SLC38A1: variants seen among roughly 807,000 people sequenced by gnomAD.
The protein encoded by SLC38A1 is sodium-coupled neutral amino acid symporter 1.
SLC38A1 carries 18 observed loss-of-function variants against 60.3 expected under a neutral mutation model. The ratio of observed to expected loss-of-function variants is 0.30; its 90% CI spans 0.21 to 0.44. The LOEUF (loss-of-function observed/expected upper bound fraction) is 0.44, where lower values mean the gene tolerates loss of function less well. Ranked by LOEUF, SLC38A1 falls within the 20% of genes least tolerant of loss-of-function variation. The pLI is 1.00. For missense variants in SLC38A1, 448 were observed against 587.2 expected (o/e 0.76, Z 2.45); for synonymous variants, 196 against 212.1 (o/e 0.92, Z 0.66).
At position 46,204,599 on chromosome 12, in the gene SLC38A1, A is replaced by T; in HGVS notation, c.647-9T>A. On this transcript the variant is annotated splice_polypyrimidine_tract_variant and intron_variant, in intron 9 of 16. Coordinates refer to ENST00000398637, the MANE Select transcript of SLC38A1 (RefSeq NM_030674.4). ...AGTATAGCCAAGATACCCTTTAAAAAAAAGTAAAAAATAAATTATTTCATT... is the reference window on the plus strand; with the variant it reads ...AGTATAGCCAAGATACCCTTTAAAATAAAGTAAAAAATAAATTATTTCATT... The T allele has an allele frequency of 6.3e-7, 1 of 1,579,116 alleles. No individual in the cohort carries two copies. The highest frequency in any genetic ancestry group is 8.6e-7 in the Non-Finnish European group (1 of 1,166,284).
chr12:46,222,928 A>G (rs1592109497), intron 5 of SLC38A1, among the ~76,000 whole-genome samples: 1 of 152,306 alleles, frequency 6.6e-6, no homozygotes, highest in East Asian at 1.9e-4. Flanking sequence ...TTTTCATGAC[A>G]GTAAAGGGGA....
intron 5 of SLC38A1, among the ~76,000 whole-genome samples, chr12:46,219,343 G>A (rs1030342388): frequency 6.6e-6 from 1 of 152,100 alleles, no homozygotes; most frequent in Non-Finnish European, 1.5e-5. Flanking sequence ...ATAAAATGGG[G>A]GTAATTAACA....
chr12:46,249,012 C>A (rs1941729755), intron 1 of SLC38A1, among the ~76,000 whole-genome samples: 1 of 151,856 alleles, frequency 6.6e-6, no homozygotes, highest in Non-Finnish European at 1.5e-5. Context: ...AAAAATTAAC[C>A]AGGTGCGGTG....
intron 1 of SLC38A1, among the ~76,000 whole-genome samples, chr12:46,249,217 A>T (rs1440054307): frequency 6.6e-6 from 1 of 152,064 alleles, no homozygotes; most frequent in Non-Finnish European, 1.5e-5. Context: ...AAACTGAGCA[A>T]CCTGCTCCTG....
At chr12:46,194,123 A>G (rs4768690) in intron 16 of SLC38A1, among the ~76,000 whole-genome samples, 81,733 of 151,988 alleles carry the variant, frequency 0.54, 23,549 homozygotes, top group African/African-American at 0.76. Context: ...TTGTAAGGCG[A>G]GCCTGGTGGT....
In SLC38A1 at chr12:46,207,228, T is replaced by A. The variant is rs771656008; in HGVS notation, c.490A>T (p.Ser164Cys). The A allele has an allele frequency of 4.3e-6, 7 of 1,611,960 alleles. No homozygotes were observed. The South Asian group carries it at 6.6e-5, about 15-fold the overall frequency. ...TSLQNTGAMLSYLFIVKNELP... is the reference protein window; with the variant it reads ...TSLQNTGAMLCYLFIVKNELP... ...TCATTTTTTACGATGAAGAGGTAGC[T>A]CAGCATTGCTGAAGGAAAATGAGAA... The change falls in exon 8 of 17, where the codon AGC (serine) becomes TGC (cysteine). Residue 164 changes from serine (S) to cysteine (C), a missense_variant. By Grantham distance (112) the Ser-to-Cys change is moderately radical (BLOSUM62 -1). Coordinates refer to ENST00000398637, the MANE Select transcript of SLC38A1 (RefSeq NM_030674.4).
At chr12:46,245,910 A>G (rs1941599035) in intron 1 of SLC38A1, among the ~76,000 whole-genome samples, 1 of 151,340 alleles carries the variant, frequency 6.6e-6, no homozygotes, top group Admixed American at 6.6e-5. Flanking sequence ...CTCTTTTTTA[A>G]TTTAGCATTG....
At chr12:46,244,441 A>G (rs893723478) in intron 1 of SLC38A1, among the ~76,000 whole-genome samples, 7 of 152,022 alleles carry the variant, frequency 4.6e-5, no homozygotes, top group Admixed American at 3.3e-4. Context: ...CATTTCCCAC[A>G]CTCCCTTGCA....
chr12:46,262,972 C>A (rs1268284821), intron 1 of SLC38A1, among the ~76,000 whole-genome samples: 4 of 152,152 alleles, frequency 2.6e-5, no homozygotes, highest in African/African-American at 9.7e-5. Context: ...TGATTCTATA[C>A]ACTATTTCTT....
At position 46,209,133 on chromosome 12, in the gene SLC38A1, G is replaced by A; in HGVS notation, c.315-6C>T. 6.4e-7 allele frequency: 1 copy of A among 1,572,476 alleles called. No homozygotes were observed. The highest frequency in any genetic ancestry group is 8.7e-7 in the Non-Finnish European group (1 of 1,144,170). On this transcript the variant is annotated splice_polypyrimidine_tract_variant and splice_region_variant and intron_variant, in intron 5 of 16. Transcript: ENST00000398637. ...TCACTGAAGTCAAAAGTACCCTAAAGCAAAGAAAATAAATCTTATTGTAAT... is the reference window on the plus strand; with the variant it reads ...TCACTGAAGTCAAAAGTACCCTAAAACAAAGAAAATAAATCTTATTGTAAT...
At chr12:46,198,867 T>C in intron 13 of SLC38A1, 124 bp from the exon 14 acceptor site, 1 of 651,092 alleles carries the variant, frequency 1.5e-6, no homozygotes, top group Non-Finnish European at 2.7e-6. Flanking sequence ...TCGAAATGTC[T>C]ATTAAAACAA....
At chr12:46,252,051 T>C (rs1230115355) in intron 1 of SLC38A1, among the ~76,000 whole-genome samples, 2 of 152,148 alleles carry the variant, frequency 1.3e-5, no homozygotes, top group East Asian at 3.9e-4. Flanking sequence ...ATGTTTATTG[T>C]GGCACTATTC....
Position 46,237,409 on chromosome 12 carries a change from ATGT to A in SLC38A1, c.122+2267_122+2269del, listed in dbSNP as rs1261809905. Among the ~76,000 whole-genome samples, 10 of 148,804 alleles carry A rather than the reference ATGT, an allele frequency of 6.7e-5. 1 individual carries two copies. Among genetic ancestry groups the A allele is most frequent in the African/African-American group, 2.6e-4 (10 of 38,264 alleles). ...TTCTTTATTAGCTTCATGCTATAAC[ATGT>A]TGTTTTTAATTGTGTTAGAGCGAGA... On this transcript the variant is annotated intron_variant, in intron 3 of 16. Transcript: ENST00000398637.
intron 3 of SLC38A1, among the ~76,000 whole-genome samples, chr12:46,234,446 C>CTTTTTTTTTT (rs397791217): frequency 2.8e-5 from 4 of 140,688 alleles, no homozygotes; most frequent in African/African-American, 1.1e-4. Flanking sequence ...TTCTTTCTTT[C>CTTTTTTTTTT]TTTTTTTTTT....
chr12:46,201,913 C>T (rs1474211407), intron 12 of SLC38A1, among the ~76,000 whole-genome samples: 1 of 150,524 alleles, frequency 6.6e-6, no homozygotes, highest in Non-Finnish European at 1.5e-5. Context: ...GAGAAGTAGG[C>T]CCCGCGCGGT....
intron 1 of SLC38A1, among the ~76,000 whole-genome samples, chr12:46,256,999 A>G (rs982506995): frequency 4.6e-5 from 7 of 152,110 alleles, no homozygotes; most frequent in African/African-American, 1.7e-4. Context: ...AGAGAGAGAA[A>G]AGCATTGCCT....
At chr12:46,252,663 A>T (rs1269966304) in intron 1 of SLC38A1, among the ~76,000 whole-genome samples, 2 of 151,886 alleles carry the variant, frequency 1.3e-5, no homozygotes, top group Non-Finnish European at 2.9e-5. Flanking sequence ...TTCACCTGTT[A>T]TCTCAGCAAG....
At chr12:46,236,783 G>A (rs1941275278) in intron 3 of SLC38A1, among the ~76,000 whole-genome samples, 1 of 152,134 alleles carries the variant, frequency 6.6e-6, no homozygotes, top group African/African-American at 2.4e-5. Flanking sequence ...CAGCAGTTAT[G>A]GGCGTCACCT....
chr12:46,233,150 C>T (rs1450606395), intron 3 of SLC38A1, among the ~76,000 whole-genome samples: 1 of 152,070 alleles, frequency 6.6e-6, no homozygotes, highest in South Asian at 2.1e-4. Flanking sequence ...TCCCAAGTAG[C>T]TGGGACTACG....
Sources: allele counts gnomAD v4.1 joint callset (sites outside exome capture counted in the v4.1 genomes callset), GRCh38; gene constraint gnomAD v4.1.1; transcripts MANE v1.5; gene names NCBI Gene and HGNC (gene_info 2026-07-23, HGNC 2026-07-21).